CACNA1D: variants seen among roughly 807,000 people sequenced by gnomAD.
CACNA1D encodes the protein calcium voltage-gated channel subunit alpha1 D.
Under a neutral mutation model 257.1 loss-of-function variants are expected in CACNA1D, and 55 were observed. That is an observed-to-expected ratio of 0.21 (90% CI 0.17 to 0.27). The LOEUF is 0.27. CACNA1D is among the 10% of genes least tolerant of loss of function. The pLI is 1.00. For missense variants in CACNA1D, 1,876 were observed against 2,784.0 expected (o/e 0.67, Z 7.34); for synonymous variants, 980 against 1,014.9 (o/e 0.97, Z 0.65).
At chr3:53,674,494 A>G (rs2094354924) in intron 8 of CACNA1D, among the ~76,000 whole-genome samples, 1 of 152,182 alleles carries the variant, frequency 6.6e-6, no homozygotes, top group African/African-American at 2.4e-5. Flanking sequence ...TTCAGTCACG[A>G]TTTTTGAAGT....
At position 53,802,158 on chromosome 3, in the gene CACNA1D, A is replaced by C; in HGVS notation, c.5420A>C (p.Tyr1807Ser). Residue 1807 changes from tyrosine to serine, a missense_variant, in exon 43 of 48, where the codon TAT becomes TCT. Physicochemically the swap from Tyr to Ser is moderately radical, Grantham distance 144. Transcript: ENST00000350061. ...CCTTTCCTGGATAGAACCCGCTATT[A>C]TGAAACTTACATTAGGTATGTGCTC... ...RRSSVKRTRY[Y>S]ETYIRSDSGD... 6.2e-7 allele frequency: 1 copy of C among 1,608,836 alleles called. No homozygotes were observed. Among genetic ancestry groups the C allele is most frequent in the Non-Finnish European group, 8.5e-7 (1 of 1,175,152 alleles).
At chr3:53,749,211 C>A in intron 26 of CACNA1D, 57 bp from the exon 27 acceptor site, 1 of 1,273,390 alleles carries the variant, frequency 7.9e-7, no homozygotes, top group Non-Finnish European at 1.1e-6. Context: ...AGGCAGCGGG[C>A]TGGGCCGTGT....
In CACNA1D at chr3:53,783,998, G is replaced by A. The variant is rs1379949551; in HGVS notation, c.4792+2331G>A. Among the ~76,000 whole-genome samples, 4 of 152,336 alleles carry A rather than the reference G, an allele frequency of 2.6e-5. No individual in the cohort carries two copies. In the East Asian group the frequency reaches 7.7e-4, roughly 29 times the overall value. On this transcript the variant is annotated intron_variant, in intron 39 of 47. Transcript: ENST00000350061. ...CCCTTTTAGCCCTGGTGATAGAACT[G>A]AGTCAGATGCTTGTCTTGGGTGGCT...
At position 53,793,139 on chromosome 3, in the gene CACNA1D, C is replaced by G. The variant is rs922482661; in HGVS notation, c.4923+6187C>G. Among the ~76,000 whole-genome samples, 1 of 152,214 alleles carries G rather than the reference C, an allele frequency of 6.6e-6. No individual in the cohort carries two copies. Among genetic ancestry groups the G allele is most frequent in the Non-Finnish European group, 1.5e-5 (1 of 68,040 alleles). Reference sequence around the variant, plus strand: ...AGCACCTGAGTCTCCTTCCCCACTGCCAGCAGCCCAGCCCCTCCTGAGACT... The same window carrying G: ...AGCACCTGAGTCTCCTTCCCCACTGGCAGCAGCCCAGCCCCTCCTGAGACT... On this transcript the variant is annotated intron_variant, in intron 40 of 47. Coordinates refer to ENST00000350061, the MANE Select transcript of CACNA1D (RefSeq NM_001128840.3). This position sits in a 1 kb window ranked among gnomAD's most constrained non-coding sequence, Gnocchi z 4.1.
chr3:53,550,459 C>T (rs2092508472), intron 3 of CACNA1D, among the ~76,000 whole-genome samples: 1 of 152,222 alleles, frequency 6.6e-6, no homozygotes, highest in South Asian at 2.1e-4. Flanking sequence ...CTTGACTCTT[C>T]ATGAACTGTC....
At chr3:53,805,768 C>CTTCCCTCCTCCTCCCTCATA (rs2095559748) in intron 45 of CACNA1D, among the ~76,000 whole-genome samples, 1 of 141,012 alleles carries the variant, frequency 7.1e-6, no homozygotes, top group African/African-American at 2.7e-5. Flanking sequence ...CCTCCCTCAT[C>CTTCCCTCCTCCTCCCTCATA]TTCCCTCTTC....
chr3:53,662,980 T>C (rs1260814917), intron 5 of CACNA1D, among the ~76,000 whole-genome samples: 2 of 152,164 alleles, frequency 1.3e-5, no homozygotes, highest in African/African-American at 2.4e-5. Flanking sequence ...TTCCTTTCCA[T>C]GTGTTCCTTG....
chr3:53,539,492 G>A (rs1559810702), intron 3 of CACNA1D, among the ~76,000 whole-genome samples: 1 of 152,188 alleles, frequency 6.6e-6, no homozygotes, highest in Non-Finnish European at 1.5e-5. Flanking sequence ...TACTCCATTG[G>A]ATGAGTAGAC....
chr3:53,726,811 A>C (rs985060102), intron 14 of CACNA1D, 68 bp from the exon 15 acceptor site: 2 of 1,610,678 alleles, frequency 1.2e-6, no homozygotes, highest in Non-Finnish European at 1.7e-6. Flanking sequence ...GCAGCCACCG[A>C]GGGGCTCTAA....
chr3:53,507,108 A>G (rs2090889580), intron 3 of CACNA1D, among the ~76,000 whole-genome samples: 1 of 148,478 alleles, frequency 6.7e-6, no homozygotes, highest in Admixed American at 6.7e-5. Context: ...AAAATGTGGT[A>G]GAAGGGGAGA....
chr3:53,727,167 A>G (rs1025892456), intron 15 of CACNA1D, among the ~76,000 whole-genome samples, 168 bp downstream of exon 15: 1 of 152,182 alleles, frequency 6.6e-6, no homozygotes, highest in Non-Finnish European at 1.5e-5. Flanking sequence ...GCTGGGGGAC[A>G]GCGTCCTGTA....
chr3:53,506,514 T>C (rs1369364350), intron 3 of CACNA1D, among the ~76,000 whole-genome samples: 1 of 152,216 alleles, frequency 6.6e-6, no homozygotes, highest in Non-Finnish European at 1.5e-5. Flanking sequence ...TATAGCCTTG[T>C]GAACTTAATC....
At chr3:53,531,128 A>T (rs1298668056) in intron 3 of CACNA1D, among the ~76,000 whole-genome samples, 1 of 150,780 alleles carries the variant, frequency 6.6e-6, no homozygotes, top group Non-Finnish European at 1.5e-5. Flanking sequence ...CTGGGATTAT[A>T]GGCATGAGCC....
chr3:53,713,050 C>T (rs1576432661), intron 9 of CACNA1D, among the ~76,000 whole-genome samples: 1 of 152,218 alleles, frequency 6.6e-6, no homozygotes, highest in East Asian at 1.9e-4. Context: ...AGCACTTGGA[C>T]TCAGTTCTCC....
intron 20 of CACNA1D, among the ~76,000 whole-genome samples, chr3:53,736,915 T>G (rs2095062951): frequency 6.7e-6 from 1 of 149,368 alleles, no homozygotes; most frequent in Admixed American, 6.7e-5. Context: ...CAAAAAGAAC[T>G]CTAGATTTTG....
At chr3:53,707,495 A>G (rs1405716943) in intron 9 of CACNA1D, among the ~76,000 whole-genome samples, 6 of 152,220 alleles carry the variant, frequency 3.9e-5, no homozygotes, top group Admixed American at 3.9e-4. Context: ...GTGCATTCAT[A>G]GAATATTTAA....
intron 3 of CACNA1D, among the ~76,000 whole-genome samples, chr3:53,517,343 T>C (rs554556685): frequency 6.6e-6 from 1 of 152,090 alleles, no homozygotes; most frequent in Non-Finnish European, 1.5e-5. Flanking sequence ...GTGATTGTGC[T>C]TGGGAAGAAG....
At chr3:53,739,420 C>T (rs2095092572) in intron 20 of CACNA1D, among the ~76,000 whole-genome samples, 1 of 152,234 alleles carries the variant, frequency 6.6e-6, no homozygotes, top group Non-Finnish European at 1.5e-5. Context: ...TGGTGAGCAG[C>T]TTTCCTGGTG....
chr3:53,810,584 C>T lies in CACNA1D; in HGVS notation c.6192+286C>T, dbSNP rs572508662. 2.2e-4 allele frequency: 97 copies of T among 447,940 alleles called. 2 individuals are homozygous for T. Among genetic ancestry groups the T allele is most frequent in the South Asian group, 1.9e-3 (90 of 48,436 alleles). 27.7% of individuals were successfully genotyped at this position (447,940 alleles called of 1,614,324 possible). Reference sequence around the variant, plus strand: ...ACCAGCCTTGCCAACATGGTGAAACCCCGTCTCTACTAAAAATACAAAAAT... The same window carrying T: ...ACCAGCCTTGCCAACATGGTGAAACTCCGTCTCTACTAAAAATACAAAAAT... On this transcript the variant is annotated intron_variant, in intron 47 of 47. Transcript: ENST00000350061.
Sources: allele counts gnomAD v4.1 joint callset (sites outside exome capture counted in the v4.1 genomes callset), GRCh38; gene constraint gnomAD v4.1.1; non-coding constraint Gnocchi (gnomAD v3.1); transcripts MANE v1.5; gene names NCBI Gene and HGNC (gene_info 2026-07-23, HGNC 2026-07-21).